The following SLCO3A1 variants were observed in gnomAD, a reference collection of about 807,000 sequenced individuals.
SLCO3A1 encodes solute carrier organic anion transporter family member 3A1.
In SLCO3A1, 27 loss-of-function variants were observed where a neutral mutation model predicts 63.1. The ratio of observed to expected loss-of-function variants is 0.43; its 90% CI spans 0.32 to 0.59. SLCO3A1 has a LOEUF of 0.59. Ranked by LOEUF, SLCO3A1 falls within the 20% of genes least tolerant of loss-of-function variation. The pLI, the probability that SLCO3A1 is intolerant of heterozygous loss-of-function variation, is 0.09. For missense variants in SLCO3A1, 773 were observed against 945.8 expected (o/e 0.82, Z 2.40); for synonymous variants, 473 against 409.9 (o/e 1.15, Z -1.86).
Position 92,165,035 on chromosome 15 carries a change from G to A in SLCO3A1, c.*1900G>A, listed in dbSNP as rs2048482117. Reference sequence around the variant, plus strand: ...CCCACAAGGCAAACAAAAGAATCAGGAAGTAAAAAATGGTTGGGAGTGGGA... The same window carrying A: ...CCCACAAGGCAAACAAAAGAATCAGAAAGTAAAAAATGGTTGGGAGTGGGA... On this transcript the variant is annotated 3_prime_UTR_variant, in exon 10 of 10. Transcript: ENST00000318445. 1 of 982,450 alleles carries A rather than the reference G, an allele frequency of 1.0e-6. No individual in the cohort carries two copies. The highest frequency in any genetic ancestry group is 1.2e-6 in the Non-Finnish European group (1 of 827,416). The allele number at this position is 982,450 out of a possible 1,614,324, so 60.9% of individuals were successfully genotyped here.
intron 2 of SLCO3A1, among the ~76,000 whole-genome samples, chr15:92,060,689 G>A (rs554762356): frequency 1.4e-4 from 21 of 152,110 alleles, no homozygotes; most frequent in African/African-American, 3.4e-4. Context: ...TAGTAGAGAC[G>A]GGGTTTCACC....
At position 91,856,935 on chromosome 15, in the gene SLCO3A1, A is replaced by T. The variant is rs2141830570; in HGVS notation, c.180+2847A>T. Among the ~76,000 whole-genome samples the T allele has an allele frequency of 6.6e-6, 1 of 152,112 alleles. No individual in the cohort carries two copies. The highest frequency in any genetic ancestry group is 1.5e-5 in the Non-Finnish European group (1 of 67,994). ...TTTTTTCTGAAAAGACAAATTTCTC[A>T]GTGTCCTGAATGACACTAGTGTAGG... On this transcript the variant is annotated intron_variant, in intron 1 of 9. Coordinates refer to ENST00000318445, the MANE Select transcript of SLCO3A1 (RefSeq NM_013272.4). The surrounding 1 kb of genome is among the most constrained non-coding windows in gnomAD (Gnocchi z 4.9).
In SLCO3A1 at chr15:92,140,695, A is replaced by T. The variant is rs543080017; in HGVS notation, c.1513-6289A>T. ...GGGTGCATATATATTTAGGATAGTT[A>T]GCTCTTCTTGTTGAATTGATCCCTT... On this transcript the variant is annotated intron_variant, in intron 7 of 9. Coordinates refer to ENST00000318445, the MANE Select transcript of SLCO3A1 (RefSeq NM_013272.4). 8.3e-4 allele frequency among the ~76,000 whole-genome samples: 127 copies of T among 152,240 alleles called. 1 individual carries two copies. Among genetic ancestry groups the T allele is most frequent in the African/African-American group, 2.6e-3 (110 of 41,540 alleles).
chr15:91,954,889 C>T lies in SLCO3A1; in HGVS notation c.646+38431C>T, dbSNP rs1225486828. ...CCACTGCCCAAGGGCTGGACAGCAC[C>T]ACCCCTCCTAATTCCTAGGAATTAG... On this transcript the variant is annotated intron_variant, in intron 2 of 9. Transcript: ENST00000318445. The surrounding 1 kb of genome is among the most constrained non-coding windows in gnomAD (Gnocchi z 4.7). Among the ~76,000 whole-genome samples, 1 of 152,106 alleles carries T rather than the reference C, an allele frequency of 6.6e-6. No homozygotes were observed. The highest frequency in any genetic ancestry group is 1.5e-5 in the Non-Finnish European group (1 of 68,008).
At chr15:92,101,725 T>G (rs985693064) in intron 3 of SLCO3A1, among the ~76,000 whole-genome samples, 4 of 152,252 alleles carry the variant, frequency 2.6e-5, no homozygotes, top group African/African-American at 9.6e-5. Flanking sequence ...AAATCAATAC[T>G]TCCCAAAATA....
intron 2 of SLCO3A1, among the ~76,000 whole-genome samples, chr15:92,045,565 A>G (rs1001563717): frequency 6.6e-6 from 1 of 152,178 alleles, no homozygotes; most frequent in African/African-American, 2.4e-5. Context: ...TAATACCTGT[A>G]TAATAGCCTT....
intron 2 of SLCO3A1, among the ~76,000 whole-genome samples, chr15:91,963,627 G>T (rs1900544462): frequency 6.6e-6 from 1 of 152,166 alleles, no homozygotes. Context: ...TGAAGCCGTG[G>T]ACCTTCGCGG....
chr15:91,982,060 A>G (rs1243510284), intron 2 of SLCO3A1, among the ~76,000 whole-genome samples: 1 of 152,262 alleles, frequency 6.6e-6, no homozygotes, highest in African/African-American at 2.4e-5. Context: ...TTGGCGTGCA[A>G]GGTGAGGACT....
At chr15:92,070,367 G>A (rs971454823) in intron 2 of SLCO3A1, among the ~76,000 whole-genome samples, 2 of 152,242 alleles carry the variant, frequency 1.3e-5, no homozygotes, top group African/African-American at 4.8e-5. Context: ...GGAGGGTCGG[G>A]TGCGGTGGCT....
In SLCO3A1 at chr15:91,877,966, G is replaced by C. The variant is rs549415726; in HGVS notation, c.180+23878G>C. Among the ~76,000 whole-genome samples, 4 of 152,192 alleles carry C rather than the reference G, an allele frequency of 2.6e-5. No individual in the cohort carries two copies. The South Asian group carries it at 8.3e-4, about 32-fold the overall frequency. On this transcript the variant is annotated intron_variant, in intron 1 of 9. Transcript: ENST00000318445. ...TCCTGTGGAAGGACTAGAATCTCAGGGCTTTCCTTAGGTGAGGCTGCACCG... is the reference window on the plus strand; with the variant it reads ...TCCTGTGGAAGGACTAGAATCTCAGCGCTTTCCTTAGGTGAGGCTGCACCG...
intron 4 of SLCO3A1, among the ~76,000 whole-genome samples, chr15:92,108,894 C>T (rs569860673): frequency 5.3e-5 from 8 of 152,204 alleles, no homozygotes; most frequent in African/African-American, 1.7e-4. Context: ...CTCTGAGTTC[C>T]ACAGAATCCC....
chr15:92,056,352 T>C (rs1191948589), intron 2 of SLCO3A1, among the ~76,000 whole-genome samples: 1 of 86,464 alleles, frequency 1.2e-5, no homozygotes, highest in South Asian at 3.2e-4. Context: ...TGCTTTTTTC[T>C]GCTCCAAAAA....
At chr15:91,911,722 G>T (rs978785010) in intron 1 of SLCO3A1, among the ~76,000 whole-genome samples, 1 of 152,118 alleles carries the variant, frequency 6.6e-6, no homozygotes, top group African/African-American at 2.4e-5. Context: ...TGCCTCCCGG[G>T]TTCAAGCAGT....
chr15:92,003,955 C>G (rs978301019), intron 2 of SLCO3A1, among the ~76,000 whole-genome samples: 4 of 152,218 alleles, frequency 2.6e-5, no homozygotes, highest in African/African-American at 9.7e-5. Context: ...GCAGCTGTAG[C>G]TGTCAGCCTC....
chr15:92,115,885 C>G (rs1008169049), intron 4 of SLCO3A1, among the ~76,000 whole-genome samples: 3 of 150,010 alleles, frequency 2.0e-5, no homozygotes, highest in African/African-American at 7.4e-5. Context: ...TTTCCCCAAC[C>G]TAGGCAGAAA....
chr15:91,945,820 T>C (rs1899787836), intron 2 of SLCO3A1, among the ~76,000 whole-genome samples: 1 of 152,212 alleles, frequency 6.6e-6, no homozygotes, highest in South Asian at 2.1e-4. Flanking sequence ...CATGTCACCC[T>C]GGGCTACCAA....
intron 2 of SLCO3A1, among the ~76,000 whole-genome samples, chr15:92,031,283 A>T (rs988441868): frequency 1.3e-5 from 2 of 152,218 alleles, no homozygotes; most frequent in African/African-American, 4.8e-5. Flanking sequence ...AAACAATAGC[A>T]GTATAAAAAG....
Position 92,152,870 on chromosome 15 carries a change from T to C in SLCO3A1, c.1753+1856T>C, listed in dbSNP as rs369331445. 7.2e-4 allele frequency among the ~76,000 whole-genome samples: 110 copies of C among 152,298 alleles called. No homozygotes were observed. In the Middle Eastern group the frequency reaches 0.01, roughly 14 times the overall value. ...GGCCAGGGAAGGTAAGAGCCCACCCTCCTCATCTGTGGAGTTGCTATGGAG... is the reference window on the plus strand; with the variant it reads ...GGCCAGGGAAGGTAAGAGCCCACCCCCCTCATCTGTGGAGTTGCTATGGAG... On this transcript the variant is annotated intron_variant, in intron 9 of 9. Coordinates refer to ENST00000318445, the MANE Select transcript of SLCO3A1 (RefSeq NM_013272.4).
chr15:91,994,814 C>T (rs1006450693), intron 2 of SLCO3A1, among the ~76,000 whole-genome samples: 5 of 152,200 alleles, frequency 3.3e-5, no homozygotes, highest in African/African-American at 1.2e-4. Context: ...GCACAGCCTG[C>T]TCATCACCAC....
Sources: gnomAD v4.1 joint callset for allele counts (sites outside exome capture counted in the v4.1 genomes callset) on GRCh38, gnomAD v4.1.1 for gene constraint, Gnocchi (gnomAD v3.1) non-coding constraint, MANE v1.5 for transcripts, NCBI Gene and HGNC (gene_info 2026-07-23, HGNC 2026-07-21) for gene names.